Variants in FGF12 observed in about 807,000 individuals in gnomAD.
The protein encoded by FGF12 is fibroblast growth factor 12B.
A neutral mutation model predicts 23.6 loss-of-function variants in FGF12; 14 were observed. The ratio of observed to expected loss-of-function variants is 0.59; its 90% CI spans 0.39 to 0.93. The LOEUF (loss-of-function observed/expected upper bound fraction) is 0.93. Ranked by LOEUF, FGF12 falls within the 40% of genes least tolerant of loss-of-function variation. FGF12 has a pLI of 0.00. For missense variants in FGF12, 175 were observed against 217.8 expected (o/e 0.80, Z 1.24); for synonymous variants, 62 against 77.3 (o/e 0.80, Z 1.04).
At chr3:192,560,428 G>A (rs74609352) in intron 2 of FGF12, among the ~76,000 whole-genome samples, 4,256 of 151,800 alleles carry the variant, frequency 0.028, 204 homozygotes, top group African/African-American at 0.096. Flanking sequence ...TGTAAAAAAA[G>A]GTAATAAGAT....
chr3:192,291,884 A>T (rs1714775630), intron 4 of FGF12, among the ~76,000 whole-genome samples: 1 of 152,180 alleles, frequency 6.6e-6, no homozygotes, highest in African/African-American at 2.4e-5. Context: ...AAAAAGAACT[A>T]TTTTCCCAAA....
At chr3:192,411,966 T>C (rs1560103898) in intron 2 of FGF12, among the ~76,000 whole-genome samples, 1 of 152,156 alleles carries the variant, frequency 6.6e-6, no homozygotes, top group Non-Finnish European at 1.5e-5. Flanking sequence ...GGTTTTTTTT[T>C]TCCAAAGAAA....
chr3:192,282,321 A>AAT (rs1714193208), intron 4 of FGF12, among the ~76,000 whole-genome samples: 1 of 151,846 alleles, frequency 6.6e-6, no homozygotes, highest in African/African-American at 2.4e-5. Flanking sequence ...AATGAATGAA[A>AAT]CTGGATGACA....
At chr3:192,527,875 T>A (rs1323991749) in intron 2 of FGF12, among the ~76,000 whole-genome samples, 1 of 152,002 alleles carries the variant, frequency 6.6e-6, no homozygotes, top group Non-Finnish European at 1.5e-5. Context: ...GCAGGGAAAC[T>A]CCCCCTTATA....
chr3:192,446,269 T>C (rs1722351760), intron 2 of FGF12, among the ~76,000 whole-genome samples: 1 of 152,246 alleles, frequency 6.6e-6, no homozygotes, highest in African/African-American at 2.4e-5. Context: ...TATATGGCTG[T>C]ATACCAAGTG....
At chr3:192,576,417 T>G (rs1265918341) in intron 2 of FGF12, among the ~76,000 whole-genome samples, 1 of 152,184 alleles carries the variant, frequency 6.6e-6, no homozygotes, top group Non-Finnish European at 1.5e-5. Context: ...CTCTAAATCT[T>G]GCACATTTTC....
intron 2 of FGF12, among the ~76,000 whole-genome samples, chr3:192,600,329 C>T (rs1462531004): frequency 1.6e-4 from 25 of 151,936 alleles, no homozygotes; most frequent in Admixed American, 1.6e-3. Context: ...TAGTGTGATG[C>T]CTTCAGCTTT....
intron 4 of FGF12, among the ~76,000 whole-genome samples, chr3:192,291,130 T>C (rs955133644): frequency 2.6e-5 from 4 of 152,194 alleles, no homozygotes; most frequent in Non-Finnish European, 5.9e-5. Context: ...GCTTTTCTTA[T>C]TATCTTCTGG....
intron 2 of FGF12, among the ~76,000 whole-genome samples, chr3:192,484,056 TG>T (rs1188387638): frequency 6.6e-6 from 1 of 152,060 alleles, no homozygotes; most frequent in Non-Finnish European, 1.5e-5. Flanking sequence ...CCTGAAAGAT[TG>T]GGGAACTGAT....
chr3:192,319,096 A>C (rs1716392500), intron 4 of FGF12, among the ~76,000 whole-genome samples: 1 of 152,224 alleles, frequency 6.6e-6, no homozygotes, highest in African/African-American at 2.4e-5. Context: ...TTATATCAAC[A>C]CCAGAACTCT....
At chr3:192,475,954 G>A (rs749034760) in intron 2 of FGF12, among the ~76,000 whole-genome samples, 15 of 152,078 alleles carry the variant, frequency 9.9e-5, no homozygotes, top group African/African-American at 7.2e-5. Flanking sequence ...TAGATAGATA[G>A]ATAATGATAG....
chr3:192,710,869 C>A (rs1047235789), intron 2 of FGF12, among the ~76,000 whole-genome samples: 1 of 152,162 alleles, frequency 6.6e-6, no homozygotes, highest in Non-Finnish European at 1.5e-5. Flanking sequence ...ACCCACAGGA[C>A]CCTCACAGCC....
At chr3:192,251,729 A>C (rs572898764) in intron 4 of FGF12, among the ~76,000 whole-genome samples, 44 of 152,308 alleles carry the variant, frequency 2.9e-4, no homozygotes, top group African/African-American at 1.0e-3. Context: ...ATGAGAAAAA[A>C]AAGCCAGATA....
chr3:192,645,767 T>TAAAAAAAAA (rs55809400), intron 2 of FGF12, among the ~76,000 whole-genome samples: 1 of 71,042 alleles, frequency 1.4e-5, no homozygotes, highest in Admixed American at 2.0e-4. Flanking sequence ...ACAAAACAGG[T>TAAAAAAAAA]AAAAAAAAAA....
chr3:192,558,318 A>C (rs1711872606), intron 2 of FGF12, among the ~76,000 whole-genome samples: 1 of 151,940 alleles, frequency 6.6e-6, no homozygotes, highest in African/African-American at 2.4e-5. Context: ...TTAAGAAAAT[A>C]ATTCCATTTA....
rs115018809 is a variant in FGF12 at position 192,671,237 on chromosome 3, G to A, written c.13+55944C>T. On this transcript the variant is annotated intron_variant, in intron 2 of 5. Transcript: ENST00000445105. ...GACAGCAGGAAAACATTAAAAGAGA[G>A]TGATGTGATTGTTTTTGTGCTTTAG... Among the ~76,000 whole-genome samples, 752 of 152,280 alleles carry A rather than the reference G, an allele frequency of 4.9e-3. 10 individuals carry two copies. The highest frequency in any genetic ancestry group is 0.017 in the African/African-American group (711 of 41,560).
intron 4 of FGF12, among the ~76,000 whole-genome samples, chr3:192,289,650 A>C (rs1177279097): frequency 6.6e-6 from 1 of 152,152 alleles, no homozygotes; most frequent in East Asian, 1.9e-4. Flanking sequence ...TATTTTCATT[A>C]TGTGGGAGAG....
In FGF12 at chr3:192,610,552, G is replaced by A. The variant is rs148374484; in HGVS notation, c.13+116629C>T. Among the ~76,000 whole-genome samples, 618 of 151,972 alleles carry A rather than the reference G, an allele frequency of 4.1e-3. 8 individuals carry two copies. Among genetic ancestry groups the A allele is most frequent in the African/African-American group, 0.014 (583 of 41,444 alleles). On this transcript the variant is annotated intron_variant, in intron 2 of 5. Transcript: ENST00000445105. The stretch of plus-strand genomic sequence containing the variant: ...GGATTATTGCAATTGCTTTCTGCCT[G>A]GTCTCTTTGCTACATCCATTACCTT...
At chr3:192,701,775 AT>A (rs1577129913) in intron 2 of FGF12, among the ~76,000 whole-genome samples, 1 of 152,224 alleles carries the variant, frequency 6.6e-6, no homozygotes, top group East Asian at 1.9e-4. Flanking sequence ...TAAATTATAT[AT>A]TTAAAGTATA....
Sources: allele counts gnomAD v4.1 joint callset (sites outside exome capture counted in the v4.1 genomes callset), GRCh38; gene constraint gnomAD v4.1.1; transcripts MANE v1.5; gene names NCBI Gene and HGNC (gene_info 2026-07-23, HGNC 2026-07-21).